SEMA5A: variants seen among roughly 807,000 people sequenced by gnomAD.
The protein encoded by SEMA5A is semaphorin-5A.
SEMA5A carries 55 observed loss-of-function variants against 135.5 expected under a neutral mutation model. The observed-to-expected ratio is 0.41, with a 90% CI of 0.33 to 0.51. SEMA5A has a LOEUF of 0.51. Among genes scored for constraint, SEMA5A ranks in the 20% least tolerant of loss-of-function variants. The pLI, the probability that SEMA5A is intolerant of heterozygous loss-of-function variation, is 0.37. For synonymous variants in SEMA5A, 580 were observed against 546.5 expected, an observed-to-expected ratio of 1.06 and a Z score of -0.85; for missense variants, 1,290 against 1,419.9, an observed-to-expected ratio of 0.91 and a Z score of 1.47.
chr5:9,185,176 T>C (rs1339501276), intron 11 of SEMA5A, among the ~76,000 whole-genome samples: 1 of 152,158 alleles, frequency 6.6e-6, no homozygotes, highest in East Asian at 1.9e-4. Flanking sequence ...GATTCTCCTG[T>C]TTTGTCCTCC....
chr5:9,219,639 C>A (rs1746821516), intron 8 of SEMA5A, among the ~76,000 whole-genome samples: 1 of 152,104 alleles, frequency 6.6e-6, no homozygotes, highest in African/African-American at 2.4e-5. Context: ...CATCTACAAG[C>A]CAAGGAGAGA....
intron 5 of SEMA5A, among the ~76,000 whole-genome samples, chr5:9,295,091 C>T (rs974908531): frequency 1.3e-5 from 2 of 152,204 alleles, no homozygotes; most frequent in Admixed American, 1.3e-4. Context: ...TAGCCCCTGT[C>T]AGGGTCCATT....
intron 1 of SEMA5A, among the ~76,000 whole-genome samples, chr5:9,513,305 T>C (rs1308136498): frequency 6.6e-6 from 1 of 151,408 alleles, no homozygotes; most frequent in Non-Finnish European, 1.5e-5. Flanking sequence ...AGTAATAATC[T>C]AGCAAAGAAT....
At chr5:9,341,891 A>G (rs1189011508) in intron 3 of SEMA5A, among the ~76,000 whole-genome samples, 1 of 151,786 alleles carries the variant, frequency 6.6e-6, no homozygotes, top group Non-Finnish European at 1.5e-5. Context: ...TTACAGCTAC[A>G]TAAGCTCGCA....
chr5:9,517,695 T>C (rs1022285273), intron 1 of SEMA5A: 1 of 152,232 alleles, frequency 6.6e-6, no homozygotes, highest in African/African-American at 2.4e-5. Context: ...TCAGTTTTTG[T>C]GCATCACTAA....
chr5:9,141,915 G>A (rs1742085601), intron 12 of SEMA5A, among the ~76,000 whole-genome samples: 2 of 151,992 alleles, frequency 1.3e-5, no homozygotes, highest in Admixed American at 6.6e-5. Context: ...GTTTATTTTT[G>A]ATATTAAGAA....
chr5:9,193,647 C>A (rs779069705), intron 10 of SEMA5A, among the ~76,000 whole-genome samples: 2 of 152,138 alleles, frequency 1.3e-5, no homozygotes, highest in Non-Finnish European at 2.9e-5. Flanking sequence ...CATCTGTAAT[C>A]CTAGCACTTT....
intron 2 of SEMA5A, among the ~76,000 whole-genome samples, chr5:9,404,000 T>C (rs759831752): frequency 6.6e-6 from 1 of 152,238 alleles, no homozygotes. Flanking sequence ...AGTGGCATGA[T>C]CTTGGCTCAC....
At chr5:9,134,829 T>C (rs965686838) in intron 13 of SEMA5A, among the ~76,000 whole-genome samples, 1 of 152,230 alleles carries the variant, frequency 6.6e-6, no homozygotes, top group African/African-American at 2.4e-5. Context: ...ATTTCAGGTA[T>C]TAAACATTAT....
chr5:9,045,094 A>G (rs1335207870), intron 21 of SEMA5A, among the ~76,000 whole-genome samples: 3 of 152,118 alleles, frequency 2.0e-5, no homozygotes, highest in Non-Finnish European at 2.9e-5. Context: ...AGAGCACAGG[A>G]TATTTTAAGT....
chr5:9,112,185 A>G (rs3777250), intron 15 of SEMA5A, among the ~76,000 whole-genome samples: 9,390 of 152,250 alleles, frequency 0.062, 695 homozygotes, highest in East Asian at 0.31. Context: ...CTCATTTTGT[A>G]TTTAAAAGTC....
intron 13 of SEMA5A, among the ~76,000 whole-genome samples, chr5:9,127,042 G>A (rs1260859709): frequency 6.6e-6 from 1 of 152,158 alleles, no homozygotes; most frequent in Non-Finnish European, 1.5e-5. Flanking sequence ...GGACAGGGAG[G>A]TAAGTTTTCC....
chr5:9,497,125 T>C (rs1042742510), intron 1 of SEMA5A, among the ~76,000 whole-genome samples: 1 of 152,140 alleles, frequency 6.6e-6, no homozygotes, highest in African/African-American at 2.4e-5. Flanking sequence ...TAGATACTTA[T>C]AGGGACATGG....
rs183771666 is a variant in SEMA5A, at chr5:9,335,700, C to T, written c.224+2013G>A. ...CAGGGTGAGCTTTGGTGTATACAGCCTGCCACTGGCTCATGCCCTTGCCAG... is the reference window on the plus strand; with the variant it reads ...CAGGGTGAGCTTTGGTGTATACAGCTTGCCACTGGCTCATGCCCTTGCCAG... On this transcript the variant is annotated intron_variant, in intron 4 of 22. Coordinates refer to ENST00000382496, the MANE Select transcript of SEMA5A (RefSeq NM_003966.3). 9.2e-5 allele frequency among the ~76,000 whole-genome samples: 14 copies of T among 152,292 alleles called. No individual in the cohort carries two copies. The East Asian group carries it at 1.4e-3, about 15-fold the overall frequency.
chr5:9,384,701 TAGATAGATAGATAGACAGAC>T (rs1401462271), intron 2 of SEMA5A, among the ~76,000 whole-genome samples: 11 of 142,254 alleles, frequency 7.7e-5, no homozygotes, highest in East Asian at 2.1e-4. Flanking sequence ...GATAGATAGA[TAGATAGATAGATAGACAGAC>T]AGACAGACAG....
chr5:9,162,413 T>C (rs1743309346), intron 11 of SEMA5A, among the ~76,000 whole-genome samples: 1 of 107,908 alleles, frequency 9.3e-6, no homozygotes, highest in South Asian at 2.8e-4. Flanking sequence ...TGTATATATA[T>C]GTGTGTGTAT....
At chr5:9,366,677 C>T (rs1754930340) in intron 3 of SEMA5A, among the ~76,000 whole-genome samples, 1 of 152,130 alleles carries the variant, frequency 6.6e-6, no homozygotes, top group African/African-American at 2.4e-5. Context: ...CGTGAGCCAC[C>T]GCTCCCAGCC....
chr5:9,055,438 A>G (rs1736836345), intron 18 of SEMA5A, among the ~76,000 whole-genome samples: 1 of 152,222 alleles, frequency 6.6e-6, no homozygotes, highest in Non-Finnish European at 1.5e-5. Context: ...TAGCCTACAC[A>G]AAGAAACAGG....
Position 9,051,982 on chromosome 5 carries a change from G to A in SEMA5A, c.2736C>T (p.Gly912=), listed in dbSNP as rs769988846. The A allele has an allele frequency of 9.9e-6, 16 of 1,613,154 alleles. No individual in the cohort carries two copies. Among genetic ancestry groups the A allele is most frequent in the South Asian group, 9.9e-5 (9 of 90,896 alleles). ...WSDWSECEAS[G]VQVRARQCIL... is the part of the protein sequence containing the mutation. Reference sequence around the variant, plus strand: ...TGCACTGGCGGGCGCGGACTTGGACGCCAGAGGCTTCACACTCAGACCAGT... The same window carrying A: ...TGCACTGGCGGGCGCGGACTTGGACACCAGAGGCTTCACACTCAGACCAGT... The change falls in exon 20 of 23, where the codon GGC becomes GGT. Residue 912 remains glycine (G), a synonymous_variant. Coordinates refer to ENST00000382496, the MANE Select transcript of SEMA5A (RefSeq NM_003966.3).
Sources: gnomAD v4.1 joint callset for allele counts (sites outside exome capture counted in the v4.1 genomes callset) on GRCh38, gnomAD v4.1.1 for gene constraint, MANE v1.5 for transcripts, NCBI Gene and HGNC (gene_info 2026-07-23, HGNC 2026-07-21) for gene names.